Variants in OGDH observed in about 807,000 individuals in gnomAD.
OGDH encodes 2-oxoglutarate dehydrogenase complex component E1.
OGDH carries 38 observed loss-of-function variants against 116.6 expected under a neutral mutation model. That is an observed-to-expected ratio of 0.33 (90% CI 0.25 to 0.43). The LOEUF is 0.43. OGDH is among the 20% of genes least tolerant of loss of function. The pLI, the probability that OGDH is intolerant of heterozygous loss-of-function variation, is 1.00. For synonymous variants in OGDH, 488 were observed against 533.3 expected (o/e 0.92, Z 1.17); for missense variants, 825 against 1,357.2 (o/e 0.61, Z 6.16).
chr7:44,645,553 G>T, intron 3 of OGDH, 35 bp downstream of exon 3: 1 of 1,604,558 alleles, frequency 6.2e-7, no homozygotes. Context: ...ACGGGAAAGG[G>T]TGCAGTGTTC....
chr7:44,696,975 T>C lies in OGDH; in HGVS notation c.1962T>C (p.Ala654=). The change falls in exon 15 of 23, where the codon GCT becomes GCC. Residue 654 remains alanine, a synonymous_variant. Coordinates refer to ENST00000222673, the MANE Select transcript of OGDH (RefSeq NM_002541.4). ...EMVKNRTVDW[A]LAEYMAFGSL... ...TGAAGAACCGGACTGTGGACTGGGC[T>C]CTAGCGGAGTACATGGCGTTTGGCT... 1 of 1,614,236 alleles carries C rather than the reference T, an allele frequency of 6.2e-7. No individual in the cohort carries two copies. The highest frequency in any genetic ancestry group is 8.5e-7 in the Non-Finnish European group (1 of 1,180,040).
Position 44,697,094 on chromosome 7 carries a change from C to T in OGDH, c.2051+30C>T. Reference sequence around the variant, plus strand: ...CGTTCTGGGCAGTTTTGTTTGCCCTCCAAAGAGTAGAAGATGGAAAGGGAG... The same window carrying T: ...CGTTCTGGGCAGTTTTGTTTGCCCTTCAAAGAGTAGAAGATGGAAAGGGAG... On this transcript the variant is annotated intron_variant, in intron 15 of 22. Transcript: ENST00000222673. The surrounding 1 kb of genome is among the most constrained non-coding windows in gnomAD (Gnocchi z 6.0). 3.7e-6 allele frequency: 6 copies of T among 1,600,822 alleles called. No homozygotes were observed. The highest frequency in any genetic ancestry group is 5.1e-6 in the Non-Finnish European group (6 of 1,169,462).
intron 1 of OGDH, among the ~76,000 whole-genome samples, chr7:44,616,816 C>CATATATATAT (rs1562610928): frequency 8.8e-5 from 9 of 102,366 alleles, no homozygotes; most frequent in African/African-American, 3.6e-4. Context: ...TGCATATATA[C>CATATATATAT]GTATATATGT....
At chr7:44,612,696 A>G (rs1457707618) in intron 1 of OGDH, among the ~76,000 whole-genome samples, 1 of 147,028 alleles carries the variant, frequency 6.8e-6, no homozygotes, top group Non-Finnish European at 1.5e-5. Context: ...TTTCTTCATT[A>G]TACTTATTTA....
At chr7:44,607,604 G>T (rs1301319760) in intron 1 of OGDH, among the ~76,000 whole-genome samples, 2 of 152,212 alleles carry the variant, frequency 1.3e-5, no homozygotes, top group Non-Finnish European at 2.9e-5. Flanking sequence ...GTACTTTGCC[G>T]TGTAGACCTA....
chr7:44,656,722 C>T (rs1471721560), intron 4 of OGDH, among the ~76,000 whole-genome samples: 1 of 152,216 alleles, frequency 6.6e-6, no homozygotes, highest in East Asian at 1.9e-4. Context: ...GTGGCTTGTC[C>T]TGTCCTCCAC....
chr7:44,623,117 G>T (rs896385196), intron 1 of OGDH, among the ~76,000 whole-genome samples: 2 of 152,164 alleles, frequency 1.3e-5, no homozygotes, highest in African/African-American at 4.8e-5. Context: ...GAGTGCAGAA[G>T]GTGGCAGGCA....
intron 1 of OGDH, among the ~76,000 whole-genome samples, chr7:44,608,920 T>C (rs1236566137): frequency 6.6e-6 from 1 of 152,168 alleles, no homozygotes; most frequent in Non-Finnish European, 1.5e-5. Flanking sequence ...TTCTCTAACA[T>C]TGTGCAAAAC....
intron 9 of OGDH, among the ~76,000 whole-genome samples, chr7:44,678,099 C>G (rs1787777259): frequency 6.6e-6 from 1 of 152,046 alleles, no homozygotes; most frequent in African/African-American, 2.4e-5. Flanking sequence ...TCCATGGCTT[C>G]AAGCTCATGG....
intron 9 of OGDH, among the ~76,000 whole-genome samples, chr7:44,680,266 T>C (rs1156681617): frequency 3.9e-5 from 6 of 152,030 alleles, no homozygotes; most frequent in Admixed American, 3.9e-4. Flanking sequence ...TCTCTCCCTC[T>C]TCCTCTTCAC....
intron 19 of OGDH, 33 bp from the exon 20 acceptor site, chr7:44,701,510 G>A: frequency 1.3e-6 from 2 of 1,595,494 alleles, no homozygotes; most frequent in Non-Finnish European, 8.6e-7. Flanking sequence ...TTCAGAATCT[G>A]ATCCTTCACG....
rs1483272071 is a variant in OGDH at position 44,616,823 on chromosome 7, A to ATATATG, written c.-27-7493_-27-7492insATATGT. ...TATATATATGCATATATACGTATATATGTGTATATATACACATATACGTGT... is the reference window on the plus strand; with the variant it reads ...TATATATATGCATATATACGTATATATATATGTGTGTATATATACACATATACGTGT... On this transcript the variant is annotated intron_variant, in intron 1 of 22. Coordinates refer to ENST00000222673, the MANE Select transcript of OGDH (RefSeq NM_002541.4). 1.5e-3 allele frequency among the ~76,000 whole-genome samples: 207 copies of ATATATG among 139,306 alleles called. 3 individuals are homozygous for ATATATG. The highest frequency in any genetic ancestry group is 5.2e-3 in the African/African-American group (198 of 38,030). 91.4% of individuals were successfully genotyped at this position (139,306 alleles called of 152,430 possible). A position where few individuals can be genotyped will look rare whatever the true frequency, so the allele number is the denominator to read the frequency against.
In OGDH at chr7:44,697,886, C is replaced by T; in HGVS notation, c.2358+104C>T. 2 of 1,319,758 alleles carry T rather than the reference C, an allele frequency of 1.5e-6. No individual in the cohort carries two copies. The highest frequency in any genetic ancestry group is 2.0e-6 in the Non-Finnish European group (2 of 977,418). 81.8% of individuals were successfully genotyped at this position (1,319,758 alleles called of 1,614,324 possible). A position where few individuals can be genotyped will look rare whatever the true frequency, so the allele number is the denominator to read the frequency against. On this transcript the variant is annotated intron_variant, in intron 17 of 22. Transcript: ENST00000222673. This position sits in a 1 kb window ranked among gnomAD's most constrained non-coding sequence, Gnocchi z 6.0. ...GAGAGCCAGTGGCTCACACCAGCCTCCTAAGGACTCTGCTGGTGCTTCCCA... is the reference window on the plus strand; with the variant it reads ...GAGAGCCAGTGGCTCACACCAGCCTTCTAAGGACTCTGCTGGTGCTTCCCA...
At chr7:44,647,349 C>G (rs1243335141) in intron 3 of OGDH, 5 of 777,274 alleles carry the variant, frequency 6.4e-6, no homozygotes, top group Non-Finnish European at 8.4e-6. Context: ...TGCTGTGTTC[C>G]TCTTTGGAAA....
intron 2 of OGDH, among the ~76,000 whole-genome samples, chr7:44,632,021 C>G (rs867688451): frequency 1.2e-4 from 19 of 152,166 alleles, no homozygotes; most frequent in Non-Finnish European, 2.6e-4. Flanking sequence ...GCTTCAGGGC[C>G]AGGAGCCAGA....
chr7:44,686,126 C>A (rs1788116487), intron 10 of OGDH, among the ~76,000 whole-genome samples: 2 of 150,898 alleles, frequency 1.3e-5, no homozygotes, highest in Admixed American at 6.7e-5. Flanking sequence ...CCTTTCCAAT[C>A]CACATGTATC....
At chr7:44,654,541 C>T (rs1786600168) in intron 4 of OGDH, among the ~76,000 whole-genome samples, 1 of 152,122 alleles carries the variant, frequency 6.6e-6, no homozygotes, top group Admixed American at 6.5e-5. Flanking sequence ...TGATATAGAG[C>T]AGTTCATTTA....
At chr7:44,648,641 A>G (rs1187227479) in intron 4 of OGDH, among the ~76,000 whole-genome samples, 1 of 149,338 alleles carries the variant, frequency 6.7e-6, no homozygotes, top group Non-Finnish European at 1.5e-5. Context: ...ACTTTTGGGG[A>G]ATGGTACAGA....
At chr7:44,618,905 C>A (rs1213063229) in intron 1 of OGDH, among the ~76,000 whole-genome samples, 2 of 152,244 alleles carry the variant, frequency 1.3e-5, no homozygotes, top group Non-Finnish European at 2.9e-5. Context: ...AGAATCTGAA[C>A]AAACAGGCCT....
Sources: allele counts gnomAD v4.1 joint callset (sites outside exome capture counted in the v4.1 genomes callset), GRCh38; gene constraint gnomAD v4.1.1; non-coding constraint Gnocchi (gnomAD v3.1); transcripts MANE v1.5; gene names NCBI Gene and HGNC (gene_info 2026-07-23, HGNC 2026-07-21).